The following NFXL1 variants were observed in gnomAD, a reference collection of about 807,000 sequenced individuals.
The protein encoded by NFXL1 is NF-X1-type zinc finger protein NFXL1.
In NFXL1, 66 loss-of-function variants were observed where a neutral mutation model predicts 123.3. The observed-to-expected ratio is 0.54, with a 90% CI of 0.44 to 0.66. NFXL1 has a LOEUF of 0.66. NFXL1 is among the 30% of genes least tolerant of loss of function. The pLI, the probability that NFXL1 is intolerant of heterozygous loss-of-function variation, is 0.00. For missense variants in NFXL1, 944 were observed against 1,125.6 expected (o/e 0.84, Z 2.31); for synonymous variants, 346 against 360.8 (o/e 0.96, Z 0.46).
intron 11 of NFXL1, among the ~76,000 whole-genome samples, chr4:47,891,885 C>T (rs1022792833): frequency 9.3e-5 from 14 of 150,280 alleles, no homozygotes; most frequent in Middle Eastern, 3.4e-3. Context: ...TGCAGTGAGC[C>T]GAGATCACAC....
chr4:47,861,959 A>G (rs1450258277), intron 19 of NFXL1, among the ~76,000 whole-genome samples: 4 of 152,248 alleles, frequency 2.6e-5, no homozygotes, highest in Non-Finnish European at 5.9e-5. Flanking sequence ...GGTGATAAAC[A>G]CTTAGATAAG....
chr4:47,879,657 C>T (rs1216334137), intron 15 of NFXL1, among the ~76,000 whole-genome samples: 2 of 152,080 alleles, frequency 1.3e-5, no homozygotes, highest in African/African-American at 2.4e-5. Flanking sequence ...ACTGACACCA[C>T]CCAACTTCAA....
At chr4:47,865,973 G>A (rs567978592) in intron 18 of NFXL1, among the ~76,000 whole-genome samples, 3 of 152,108 alleles carry the variant, frequency 2.0e-5, no homozygotes, top group East Asian at 1.9e-4. Flanking sequence ...CCGTGAGTGC[G>A]CCACTGCATC....
rs1244075803 is a variant in NFXL1, at chr4:47,878,625, C to T, written c.1979G>A (p.Cys660Tyr). 3 of 1,605,084 alleles carry T rather than the reference C, an allele frequency of 1.9e-6. No homozygotes were observed. The highest frequency in any genetic ancestry group is 2.6e-6 in the Non-Finnish European group (3 of 1,174,930). ...CAAGATTCTTCCACAAACTCTTTTA[C>T]AAGAGTAGGGTCCTACAGCATGGCA... ...LPCHAVGPYS[C>Y]KRVCGRILDC... The change falls in exon 17 of 23, where the codon TGT becomes TAT. Residue 660 changes from cysteine to tyrosine, a missense_variant. By Grantham distance (194) the Cys-to-Tyr change is radical. Coordinates refer to ENST00000507489, the MANE Select transcript of NFXL1 (RefSeq NM_001278624.2).
At chr4:47,864,064 G>A (rs1734916576) in intron 18 of NFXL1, among the ~76,000 whole-genome samples, 1 of 151,924 alleles carries the variant, frequency 6.6e-6, no homozygotes, top group Non-Finnish European at 1.5e-5. Flanking sequence ...GATATTTCTT[G>A]GCAAAGTTCC....
At chr4:47,886,698 A>G (rs932072249) in intron 12 of NFXL1, among the ~76,000 whole-genome samples, 2 of 152,128 alleles carry the variant, frequency 1.3e-5, no homozygotes, top group Admixed American at 6.6e-5. Context: ...TTCTCTGTAC[A>G]CTGGTACCTC....
chr4:47,857,169 G>C lies in NFXL1; in HGVS notation c.2317-2006C>G, dbSNP rs1734461691. Among the ~76,000 whole-genome samples, 8 of 152,158 alleles carry C rather than the reference G, an allele frequency of 5.3e-5. No individual in the cohort carries two copies. The South Asian group carries it at 1.7e-3, about 32-fold the overall frequency. ...TTCTTACATACATAGAATGTGTAACGATCAAGTCAGGGTATTTGAGGGTAT... is the reference window on the plus strand; with the variant it reads ...TTCTTACATACATAGAATGTGTAACCATCAAGTCAGGGTATTTGAGGGTAT... On this transcript the variant is annotated intron_variant, in intron 19 of 22. Coordinates refer to ENST00000507489, the MANE Select transcript of NFXL1 (RefSeq NM_001278624.2).
At chr4:47,882,173 G>A (rs886171089) in intron 15 of NFXL1, 2 of 152,150 alleles carry the variant, frequency 1.3e-5, no homozygotes, top group African/African-American at 4.8e-5. Flanking sequence ...AATTTTCTCT[G>A]TAAATGTGAA....
chr4:47,871,024 G>A (rs1233058770), intron 18 of NFXL1, among the ~76,000 whole-genome samples: 1 of 152,144 alleles, frequency 6.6e-6, no homozygotes, highest in Admixed American at 6.5e-5. Flanking sequence ...ACAGTAAAAT[G>A]TCAATTAATA....
chr4:47,851,927 T>C lies in NFXL1; in HGVS notation c.2437A>G (p.Lys813Glu), dbSNP rs765536223. The C allele has an allele frequency of 3.0e-5, 49 of 1,609,650 alleles. No individual in the cohort carries two copies. In the East Asian group the frequency reaches 1.0e-3, roughly 33 times the overall value. The change falls in exon 21 of 23, where the codon AAA (lysine) becomes GAA (glutamate). Residue 813 changes from lysine to glutamate, a missense_variant. Coordinates refer to ENST00000507489, the MANE Select transcript of NFXL1 (RefSeq NM_001278624.2). ...ATTGAAACCTGATTTTCACGTACTT[T>C]GTTGCACTGCAATTCCTACAAACAA... ...KRIKKELQCNKVRENQVSIEC... is the reference protein window; with the variant it reads ...KRIKKELQCNEVRENQVSIEC...
intron 5 of NFXL1, among the ~76,000 whole-genome samples, chr4:47,901,645 A>T (rs892048070): frequency 6.6e-6 from 1 of 152,220 alleles, no homozygotes; most frequent in Non-Finnish European, 1.5e-5. Context: ...TAATATTTCT[A>T]AAAGCCAGGT....
chr4:47,879,027 A>G, intron 16 of NFXL1, 69 bp downstream of exon 16: 1 of 869,528 alleles, frequency 1.2e-6, no homozygotes, highest in Non-Finnish European at 1.8e-6. Context: ...TAACAACTCT[A>G]GTAAAGTTAT....
intron 19 of NFXL1, among the ~76,000 whole-genome samples, chr4:47,857,203 T>C (rs1389059385): frequency 6.6e-6 from 1 of 152,220 alleles, no homozygotes; most frequent in African/African-American, 2.4e-5. Context: ...ATTTATCATC[T>C]TGAGTATTGA....
chr4:47,904,054 C>T (rs1016310436), intron 4 of NFXL1, among the ~76,000 whole-genome samples: 4 of 152,134 alleles, frequency 2.6e-5, no homozygotes, highest in African/African-American at 7.2e-5. Context: ...ATTAAACAGC[C>T]GACTTCTTAG....
chr4:47,903,219 A>G lies in NFXL1; in HGVS notation c.621T>C (p.Phe207=), dbSNP rs1305980738. The G allele has an allele frequency of 6.3e-7, 1 of 1,594,900 alleles. No homozygotes were observed. The highest frequency in any genetic ancestry group is 1.1e-5 in the South Asian group (1 of 88,322). Residue 207 remains phenylalanine, a synonymous_variant, in exon 5 of 23, where the codon TTT becomes TTC. Transcript: ENST00000507489. ...FLVSSVTDDD[F]GKKDCPWPCP... Reference sequence around the variant, plus strand: ...AAGGCCAGGGACAATCTTTCTTTCCAAAATCATCATCAGTCACAGAAGATA... The same window carrying G: ...AAGGCCAGGGACAATCTTTCTTTCCGAAATCATCATCAGTCACAGAAGATA...
In NFXL1 at chr4:47,848,093, T is replaced by G; in HGVS notation, c.*70A>C. The G allele has an allele frequency of 2.1e-6, 2 of 943,018 alleles. No individual in the cohort carries two copies. The highest frequency in any genetic ancestry group is 3.2e-6 in the Non-Finnish European group (2 of 627,494). The allele number at this position is 943,018 out of a possible 1,614,324, so 58.4% of individuals were successfully genotyped here. On this transcript the variant is annotated 3_prime_UTR_variant, in exon 23 of 23. Transcript: ENST00000507489. ...ATATATCATGTTCTATAATATACAT[T>G]TTCTAATATTTCAAATTTAACAACT...
chr4:47,869,802 A>G (rs1246428010), intron 18 of NFXL1, among the ~76,000 whole-genome samples: 1 of 152,128 alleles, frequency 6.6e-6, no homozygotes, highest in African/African-American at 2.4e-5. Context: ...GTTTTTTAAA[A>G]TAAAAAAATT....
intron 2 of NFXL1, among the ~76,000 whole-genome samples, chr4:47,912,361 G>A (rs1737867249): frequency 6.6e-6 from 1 of 151,974 alleles, no homozygotes; most frequent in South Asian, 2.1e-4. Context: ...TCATCTCAAA[G>A]TAAAGAGAAG....
At chr4:47,900,741 A>C (rs551892946) in intron 5 of NFXL1, among the ~76,000 whole-genome samples, 22 of 152,352 alleles carry the variant, frequency 1.4e-4, no homozygotes, top group African/African-American at 4.8e-4. Flanking sequence ...CAAGTTTCAT[A>C]TTAACATTTA....
Sources: allele counts gnomAD v4.1 joint callset (sites outside exome capture counted in the v4.1 genomes callset), GRCh38; gene constraint gnomAD v4.1.1; transcripts MANE v1.5; gene names NCBI Gene and HGNC (gene_info 2026-07-23, HGNC 2026-07-21).